Variants in ADAM32 observed in about 807,000 individuals in gnomAD.
ADAM32 encodes the protein ADAM metallopeptidase domain 32, also known as disintegrin and metalloproteinase domain-containing protein 32.
ADAM32 carries 89 observed loss-of-function variants against 114.9 expected under a neutral mutation model. The ratio of observed to expected loss-of-function variants is 0.77; its 90% CI spans 0.65 to 0.92. The LOEUF is 0.92. Ranked by LOEUF, ADAM32 falls within the 40% of genes least tolerant of loss-of-function variation. The pLI is 0.00. For synonymous variants in ADAM32, 285 were observed against 307.5 expected, an observed-to-expected ratio of 0.93 and a Z score of 0.77; for missense variants, 870 against 932.8, an observed-to-expected ratio of 0.93 and a Z score of 0.88.
At chr8:39,180,239 G>A (rs902676348) in intron 10 of ADAM32, among the ~76,000 whole-genome samples, 1 of 152,238 alleles carries the variant, frequency 6.6e-6, no homozygotes, top group African/African-American at 2.4e-5. Context: ...ACCCCAGGCA[G>A]TGAGGGGCTT....
intron 12 of ADAM32, among the ~76,000 whole-genome samples, chr8:39,220,382 T>C (rs1309526438): frequency 6.6e-6 from 1 of 152,102 alleles, no homozygotes; most frequent in Non-Finnish European, 1.5e-5. Flanking sequence ...GGTTTTGTTT[T>C]TTTATTCAAC....
At chr8:39,198,566 T>C (rs1807169936) in intron 11 of ADAM32, among the ~76,000 whole-genome samples, 1 of 152,058 alleles carries the variant, frequency 6.6e-6, no homozygotes, top group Non-Finnish European at 1.5e-5. Context: ...TTAGTGGAGA[T>C]GGGGTTTCAC....
chr8:39,163,287 G>T (rs1418477994), intron 7 of ADAM32, among the ~76,000 whole-genome samples: 1 of 152,148 alleles, frequency 6.6e-6, no homozygotes, highest in Non-Finnish European at 1.5e-5. Context: ...GAAAAGACAG[G>T]CTGTTACTCA....
intron 2 of ADAM32, among the ~76,000 whole-genome samples, chr8:39,129,360 A>G (rs962657148): frequency 6.6e-6 from 1 of 152,082 alleles, no homozygotes; most frequent in Admixed American, 6.6e-5. Context: ...AAAGGCCTTT[A>G]TCATGTTCAG....
chr8:39,227,509 C>A (rs1490721423), intron 14 of ADAM32, among the ~76,000 whole-genome samples: 1 of 152,090 alleles, frequency 6.6e-6, no homozygotes, highest in Non-Finnish European at 1.5e-5. Flanking sequence ...GGGAGTGAGA[C>A]AGGCCCTTCA....
intron 2 of ADAM32, among the ~76,000 whole-genome samples, chr8:39,122,110 A>C (rs367775891): frequency 1.3e-5 from 2 of 152,176 alleles, no homozygotes; most frequent in African/African-American, 4.8e-5. Flanking sequence ...GATGAGTCAT[A>C]ACTTGTATCT....
chr8:39,211,512 A>C (rs938631524), intron 12 of ADAM32, among the ~76,000 whole-genome samples, 188 bp downstream of exon 12: 1 of 152,230 alleles, frequency 6.6e-6, no homozygotes, highest in African/African-American at 2.4e-5. Flanking sequence ...GAACAAGTTT[A>C]TAATGTACTG....
intron 2 of ADAM32, among the ~76,000 whole-genome samples, chr8:39,123,539 G>GA (rs1167913535): frequency 6.6e-6 from 1 of 152,000 alleles, no homozygotes; most frequent in Non-Finnish European, 1.5e-5. Flanking sequence ...ATTTTTACAA[G>GA]AAAAACTGCT....
chr8:39,167,970 T>C (rs1371995703), intron 9 of ADAM32: 1 of 152,180 alleles, frequency 6.6e-6, no homozygotes, highest in Admixed American at 6.5e-5. Flanking sequence ...AGGTAAATGA[T>C]CGTATCATCA....
intron 14 of ADAM32, among the ~76,000 whole-genome samples, chr8:39,228,089 G>A (rs1204733474): frequency 6.6e-6 from 1 of 152,150 alleles, no homozygotes; most frequent in Non-Finnish European, 1.5e-5. Context: ...AACAATCACT[G>A]CAGTTCGGCT....
At chr8:39,242,435 A>C (rs1349522966) in intron 16 of ADAM32, among the ~76,000 whole-genome samples, 1 of 152,220 alleles carries the variant, frequency 6.6e-6, no homozygotes, top group Non-Finnish European at 1.5e-5. Context: ...GGCAATTTGC[A>C]AAAGAAAGAA....
At chr8:39,236,889 C>A (rs1810185228) in intron 16 of ADAM32, among the ~76,000 whole-genome samples, 1 of 152,204 alleles carries the variant, frequency 6.6e-6, no homozygotes. Context: ...CTTGGATGGA[C>A]AGCGTGTGGA....
chr8:39,128,571 G>A (rs747006733), intron 2 of ADAM32, among the ~76,000 whole-genome samples: 1 of 152,110 alleles, frequency 6.6e-6, no homozygotes, highest in Non-Finnish European at 1.5e-5. Flanking sequence ...GATGCTAGCT[G>A]GTTATTTTAC....
intron 17 of ADAM32, 43 bp downstream of exon 17, chr8:39,246,209 T>C: frequency 6.4e-7 from 1 of 1,563,808 alleles, no homozygotes; most frequent in Non-Finnish European, 8.8e-7. Context: ...TCTTGGACAC[T>C]TTTTTGCATC....
At chr8:39,249,558 T>C (rs1811155530) in intron 17 of ADAM32, among the ~76,000 whole-genome samples, 1 of 152,198 alleles carries the variant, frequency 6.6e-6, no homozygotes, top group African/African-American at 2.4e-5. Flanking sequence ...AAAGAGATTG[T>C]AAGAGATTAT....
At position 39,158,955 on chromosome 8, in the gene ADAM32, A is replaced by T. The variant is rs530731728; in HGVS notation, c.526-1942A>T. On this transcript the variant is annotated intron_variant, in intron 6 of 24. Transcript: ENST00000379907. ...TTTAGTTTTTTTTACATAGTTTTTC[A>T]TAGCTTTTTGAACATATTTTAAAAC... Among the ~76,000 whole-genome samples, 100 of 151,942 alleles carry T rather than the reference A, an allele frequency of 6.6e-4. No homozygotes were observed. The Middle Eastern group carries it at 0.014, about 21-fold the overall frequency.
At chr8:39,172,150 A>G (rs1196873168) in intron 10 of ADAM32, among the ~76,000 whole-genome samples, 1 of 152,100 alleles carries the variant, frequency 6.6e-6, no homozygotes, top group African/African-American at 2.4e-5. Context: ...TGGAGCACTG[A>G]ATTTTTTTCT....
intron 14 of ADAM32, 64 bp downstream of exon 14, chr8:39,223,302 G>A: frequency 8.7e-7 from 1 of 1,155,718 alleles, no homozygotes; most frequent in Non-Finnish European, 1.2e-6. Flanking sequence ...CAGGATAATG[G>A]GGTATATTTT....
At chr8:39,141,388 T>A (rs1165797619) in intron 3 of ADAM32, among the ~76,000 whole-genome samples, 1 of 152,246 alleles carries the variant, frequency 6.6e-6, no homozygotes, top group African/African-American at 2.4e-5. Context: ...TGGTACATTG[T>A]GTCTTTGTTC....
Sources: allele counts gnomAD v4.1 joint callset (sites outside exome capture counted in the v4.1 genomes callset), GRCh38; gene constraint gnomAD v4.1.1; transcripts MANE v1.5; gene names NCBI Gene and HGNC (gene_info 2026-07-23, HGNC 2026-07-21).